Variants in ABCG8 observed in about 807,000 individuals in gnomAD.
ABCG8 encodes the protein ATP binding cassette subfamily G member 8.
In ABCG8, 81 loss-of-function variants were observed where a neutral mutation model predicts 71.3. The ratio of observed to expected loss-of-function variants is 1.14; its 90% confidence interval spans 0.95 to 1.37. ABCG8 has a LOEUF of 1.37. ABCG8 is among the 40% of genes most tolerant of loss of function. The probability of loss-of-function intolerance (pLI) is 0.00; values close to 1 mark genes in which losing one functional copy is unlikely to be tolerated. For synonymous variants in ABCG8, 451 were observed against 354.7 expected, an observed-to-expected ratio of 1.27 and a Z score of -3.05; for missense variants, 1,119 against 866.2, an observed-to-expected ratio of 1.29 and a Z score of -3.66.
chr2:43,878,198 A>G lies in ABCG8; in HGVS notation c.*285A>G. Reference sequence around the variant, plus strand: ...GCTAATTTATTTCCTTTTGATATGCATTTATATAGGCAACTCGATATAGGA... The same window carrying G: ...GCTAATTTATTTCCTTTTGATATGCGTTTATATAGGCAACTCGATATAGGA... On this transcript the variant is annotated 3_prime_UTR_variant, in exon 13 of 13. Transcript: ENST00000272286. 2.2e-6 allele frequency: 1 copy of G among 464,292 alleles called. No individual in the cohort carries two copies. The highest frequency in any genetic ancestry group is 4.0e-6 in the Non-Finnish European group (1 of 250,812). The allele number at this position is 464,292 out of a possible 1,614,324, so 28.8% of individuals were successfully genotyped here.
intron 6 of ABCG8, among the ~76,000 whole-genome samples, chr2:43,857,506 G>T (rs1052502702): frequency 6.6e-6 from 1 of 151,078 alleles, no homozygotes; most frequent in Non-Finnish European, 1.5e-5. Flanking sequence ...ACTCTGGAAA[G>T]AACCCTCACT....
At chr2:43,843,149 C>T (rs1006683764) in intron 1 of ABCG8, among the ~76,000 whole-genome samples, 2 of 152,208 alleles carry the variant, frequency 1.3e-5, no homozygotes, top group Non-Finnish European at 2.9e-5. Context: ...TGGTCTGTCT[C>T]GCTCCATCGT....
chr2:43,854,682 G>C (rs930351414), intron 6 of ABCG8, among the ~76,000 whole-genome samples: 6 of 151,812 alleles, frequency 4.0e-5, no homozygotes, highest in Non-Finnish European at 7.4e-5. Flanking sequence ...GAGAGGAGTG[G>C]GGAACCTCTA....
chr2:43,851,135 C>A (rs1177475736), intron 3 of ABCG8, among the ~76,000 whole-genome samples: 1 of 152,200 alleles, frequency 6.6e-6, no homozygotes, highest in Non-Finnish European at 1.5e-5. Context: ...AAGCCAGCTT[C>A]TGAGCCAACC....
At position 43,875,276 on chromosome 2, in the gene ABCG8, T is replaced by C. The variant is rs1394612784; in HGVS notation, c.1619T>C (p.Phe540Ser). Reference sequence around the variant, plus strand: ...TTCCTGCTGGTGTGGCTGGTGGTCTTCTGTTGCAGGATTATGGCCCTGGCC... The same window carrying C: ...TTCCTGCTGGTGTGGCTGGTGGTCTCCTGTTGCAGGATTATGGCCCTGGCC... ...LHFLLVWLVV[F>S]CCRIMALAAA... Residue 540 changes from phenylalanine to serine, a missense_variant, in exon 11 of 13, where the codon TTC becomes TCC. Transcript: ENST00000272286. 16 of 1,614,062 alleles carry C rather than the reference T, an allele frequency of 9.9e-6. No homozygotes were observed. Among genetic ancestry groups the C allele is most frequent in the Middle Eastern group, 3.3e-4 (2 of 6,084 alleles).
At chr2:43,874,099 A>T in intron 9 of ABCG8, 113 bp downstream of exon 9, 1 of 1,168,352 alleles carries the variant, frequency 8.6e-7, no homozygotes, top group Non-Finnish European at 1.3e-6. Flanking sequence ...TATATAAGAC[A>T]ATAATGTTTT....
intron 6 of ABCG8, among the ~76,000 whole-genome samples, chr2:43,859,118 T>A (rs1343468939): frequency 6.6e-6 from 1 of 151,316 alleles, no homozygotes; most frequent in Non-Finnish European, 1.5e-5. Context: ...GAATTCTCAC[T>A]GTCTGGATAG....
intron 6 of ABCG8, among the ~76,000 whole-genome samples, chr2:43,871,182 C>T (rs929091803): frequency 6.6e-6 from 1 of 151,860 alleles, no homozygotes; most frequent in Non-Finnish European, 1.5e-5. Flanking sequence ...ATAGAACTCT[C>T]CCCATCTGGA....
chr2:43,841,837 C>A (rs61226753), intron 1 of ABCG8, among the ~76,000 whole-genome samples: 8,343 of 152,294 alleles, frequency 0.055, 280 homozygotes, highest in Middle Eastern at 0.1. Context: ...AAATGTCTGA[C>A]CTTCCTTCCT....
intron 6 of ABCG8, among the ~76,000 whole-genome samples, chr2:43,865,514 T>C (rs1437191299): frequency 6.6e-6 from 1 of 152,118 alleles, no homozygotes; most frequent in Non-Finnish European, 1.5e-5. Flanking sequence ...ATTCTCACTC[T>C]ATGGATAGAA....
In ABCG8 at chr2:43,852,385, G is replaced by A. The variant is rs777258651; in HGVS notation, c.593G>A (p.Arg198Lys). Residue 198 changes from arginine to lysine, a missense_variant, in exon 5 of 13, where the codon AGG (arginine) becomes AAG (lysine). Coordinates refer to ENST00000272286, the MANE Select transcript of ABCG8 (RefSeq NM_022437.3). ...GACGTGATCGCGGAGCTGCGGCTTA[G>A]GCAGTGCGCTGACACCCGCGTGGGC... ...VEDVIAELRL[R>K]QCADTRVGNM... 6.2e-7 allele frequency: 1 copy of A among 1,612,306 alleles called. No homozygotes were observed. The highest frequency in any genetic ancestry group is 2.2e-4 in the Middle Eastern group (1 of 4,508).
At position 43,877,593 on chromosome 2, in the gene ABCG8, C is replaced by A. The variant is rs776778929; in HGVS notation, c.1789C>A (p.Arg597=). The change falls in exon 12 of 13, where the codon CGG becomes AGG. Residue 597 remains arginine (R), a synonymous_variant. Transcript: ENST00000272286. ...PAWISKVSFL[R]WCFEGLMKIQ... is the part of the protein sequence containing the mutation. ...GTGGATTTCCAAAGTGTCCTTCCTG[C>A]GGTGGTGTTTTGAAGGGCTGATGAA... The A allele has an allele frequency of 1.5e-5, 24 of 1,613,914 alleles. No homozygotes were observed. Among genetic ancestry groups the A allele is most frequent in the Non-Finnish European group, 1.9e-5 (22 of 1,180,018 alleles).
In ABCG8 at chr2:43,846,181, G is replaced by C. The variant is rs1360254209; in HGVS notation, c.192G>C (p.Trp64Cys). The change falls in exon 3 of 13, where the codon TGG (tryptophan) becomes TGC (cysteine). Residue 64 changes from tryptophan (W) to cysteine (C), a missense_variant. Physicochemically the swap from Trp to Cys is radical, Grantham distance 215 (BLOSUM62 -2). Coordinates refer to ENST00000272286, the MANE Select transcript of ABCG8 (RefSeq NM_022437.3). ...YQVDLASQVPWFEQLAQFKMP... is the reference protein window; with the variant it reads ...YQVDLASQVPCFEQLAQFKMP... Reference sequence around the variant, plus strand: ...TGGACCTGGCCTCTCAGGTCCCTTGGTTTGAGCAGCTGGCTCAGTTCAAGA... The same window carrying C: ...TGGACCTGGCCTCTCAGGTCCCTTGCTTTGAGCAGCTGGCTCAGTTCAAGA... 2 of 1,613,862 alleles carry C rather than the reference G, an allele frequency of 1.2e-6. No individual in the cohort carries two copies.
chr2:43,844,997 G>C (rs891902633), intron 2 of ABCG8, among the ~76,000 whole-genome samples: 1 of 151,114 alleles, frequency 6.6e-6, no homozygotes, highest in African/African-American at 2.4e-5. Flanking sequence ...CATACCCATA[G>C]TATAATTATG....
Position 43,877,927 on chromosome 2 carries a change from T to A in ABCG8, c.*14T>A, listed in dbSNP as rs1303859397. 1.2e-6 allele frequency: 2 copies of A among 1,614,098 alleles called. No homozygotes were observed. The highest frequency in any genetic ancestry group is 8.5e-7 in the Non-Finnish European group (1 of 1,180,018). ...CAAGACTGGTGATTCACGCCAGACGTCTGCCCGCTGGTGGGGGACCTGAGC... is the reference window on the plus strand; with the variant it reads ...CAAGACTGGTGATTCACGCCAGACGACTGCCCGCTGGTGGGGGACCTGAGC... On this transcript the variant is annotated 3_prime_UTR_variant, in exon 13 of 13. Transcript: ENST00000272286.
chr2:43,871,888 A>C, intron 6 of ABCG8, 88 bp from the exon 7 acceptor site: 1 of 1,576,802 alleles, frequency 6.3e-7, no homozygotes, highest in South Asian at 1.1e-5. Flanking sequence ...GGTGATCAGC[A>C]TTGTGAGCTG....
intron 10 of ABCG8, 70 bp from the exon 11 acceptor site, chr2:43,875,076 C>T (rs772538446): frequency 6.8e-6 from 11 of 1,608,900 alleles, no homozygotes; most frequent in African/African-American, 1.3e-5. Flanking sequence ...GGCACTGCTA[C>T]TTTTAAACGT....
intron 6 of ABCG8, among the ~76,000 whole-genome samples, chr2:43,853,798 A>T (rs1292961197): frequency 3.3e-5 from 5 of 152,178 alleles, no homozygotes; most frequent in Non-Finnish European, 7.4e-5. Context: ...CAGAACTGGG[A>T]CTGGTGCCCA....
intron 10 of ABCG8, 105 bp from the exon 11 acceptor site, chr2:43,875,041 C>A: frequency 6.6e-7 from 1 of 1,510,890 alleles, no homozygotes; most frequent in Non-Finnish European, 9.1e-7. Context: ...CTCATCATCA[C>A]CAGGAGGGAA....
Sources: gnomAD v4.1 joint callset for allele counts (sites outside exome capture counted in the v4.1 genomes callset) on GRCh38, gnomAD v4.1.1 for gene constraint, MANE v1.5 for transcripts, NCBI Gene and HGNC (gene_info 2026-07-23, HGNC 2026-07-21) for gene names.